Variants in TEX11 observed in about 807,000 individuals in gnomAD.
TEX11 encodes testis-expressed protein 11.
TEX11 carries 7 observed loss-of-function variants against 84.4 expected under a neutral mutation model. The ratio of observed to expected loss-of-function variants is 0.08; its 90% CI spans 0.05 to 0.16. The LOEUF (loss-of-function observed/expected upper bound fraction) is 0.16. Ranked by LOEUF, TEX11 falls within the 10% of genes least tolerant of loss-of-function variation. TEX11 has a pLI of 1.00. For missense variants in TEX11, 551 were observed against 660.5 expected, an observed-to-expected ratio of 0.83 and a Z score of 1.82; for synonymous variants, 264 against 222.8, an observed-to-expected ratio of 1.18 and a Z score of -1.64.
At chrX:70,567,867 A>G (rs747146589) in intron 25 of TEX11, among the ~76,000 whole-genome samples, 3 of 111,762 alleles carry the variant, frequency 2.7e-5, no homozygotes, top group Non-Finnish European at 5.6e-5. Context: ...GGTGCAGAAA[A>G]AAATGTATAT....
At chrX:70,759,704 A>G (rs2090895085) in intron 9 of TEX11, among the ~76,000 whole-genome samples, 5 of 111,712 alleles carry the variant, frequency 4.5e-5, no homozygotes, top group Admixed American at 3.8e-4. Flanking sequence ...AAACCGGCAC[A>G]AGACAAGGAT....
chrX:70,553,274 G>T, intron 27 of TEX11, 32 bp downstream of exon 27: 1 of 1,024,013 alleles, frequency 9.8e-7, no homozygotes, highest in Non-Finnish European at 1.3e-6. Context: ...AGTTCTTTTG[G>T]CTAGCAAAAA....
At chrX:70,550,164 G>A (rs1394148006) in intron 28 of TEX11, among the ~76,000 whole-genome samples, 1 of 112,640 alleles carries the variant, frequency 8.9e-6, no homozygotes, top group Non-Finnish European at 1.9e-5. Context: ...TTCAATAAAT[G>A]GTGCTGGGAA....
At chrX:70,586,319 A>G (rs893976727) in intron 25 of TEX11, among the ~76,000 whole-genome samples, 1 of 112,633 alleles carries the variant, frequency 8.9e-6, no homozygotes, top group Admixed American at 9.4e-5. Flanking sequence ...AAAGGTAGAT[A>G]AATTGGACTT....
At chrX:70,571,244 C>T (rs1334747554) in intron 25 of TEX11, among the ~76,000 whole-genome samples, 2 of 112,030 alleles carry the variant, frequency 1.8e-5, no homozygotes, top group Non-Finnish European at 1.9e-5. Context: ...GTCTCAAACT[C>T]CTGACCTCAG....
chrX:70,885,999 A>G (rs1035273194), intron 2 of TEX11, among the ~76,000 whole-genome samples: 2 of 111,416 alleles, frequency 1.8e-5, no homozygotes, highest in Admixed American at 1.9e-4. Flanking sequence ...GTAGGATGGT[A>G]AAATGGTGCA....
intron 25 of TEX11, among the ~76,000 whole-genome samples, chrX:70,586,345 C>CT (rs1326537100): frequency 1.8e-5 from 2 of 112,018 alleles, no homozygotes; most frequent in Non-Finnish European, 3.8e-5. Flanking sequence ...AAGTTAAAAA[C>CT]TTTTTTACAT....
chrX:70,717,957 T>C (rs2090521827), intron 13 of TEX11, among the ~76,000 whole-genome samples: 1 of 112,593 alleles, frequency 8.9e-6, no homozygotes, highest in African/African-American at 3.2e-5. Flanking sequence ...TTATCAAATT[T>C]TCCTTTGAAA....
At chrX:70,560,914 T>G (rs1166736906) in intron 25 of TEX11, among the ~76,000 whole-genome samples, 2 of 70,406 alleles carry the variant, frequency 2.8e-5, no homozygotes, top group African/African-American at 5.4e-5. Flanking sequence ...TTTTTTTTTT[T>G]TTTTTTTTTT....
chrX:70,749,118 C>T (rs1270794793), intron 9 of TEX11, among the ~76,000 whole-genome samples: 1 of 106,267 alleles, frequency 9.4e-6, no homozygotes, highest in Non-Finnish European at 1.9e-5. Context: ...TTGTAGTTCT[C>T]CTTGAAGAGG....
chrX:70,539,038 A>ATATATATATATATATATATATATATTTTT, intron 28 of TEX11, among the ~76,000 whole-genome samples: 9 of 41,237 alleles, frequency 2.2e-4, no homozygotes, highest in Admixed American at 1.1e-3. Context: ...ATATATATAT[A>ATATATATATATATATATATATATATTTTT]TTTTTTTTTT....
intron 25 of TEX11, among the ~76,000 whole-genome samples, chrX:70,572,856 T>TG (rs1273063917): frequency 2.5e-5 from 1 of 39,533 alleles, no homozygotes; most frequent in African/African-American, 1.1e-4. Flanking sequence ...TGCTGTGGGG[T>TG]GGGGGGAGGG....
At chrX:70,519,247 G>T in the TEX11 span, among the ~76,000 whole-genome samples, 4 of 111,941 alleles carry the variant, frequency 3.6e-5, no homozygotes, top group Non-Finnish European at 7.5e-5. Flanking sequence ...GCAGTGGCTG[G>T]TACGGGTTGT....
At chrX:70,632,911 T>C (rs371577483) in intron 17 of TEX11, among the ~76,000 whole-genome samples, 89 of 111,941 alleles carry the variant, frequency 8.0e-4, no homozygotes, top group African/African-American at 2.6e-3. Flanking sequence ...ATTAAAGACA[T>C]TTAATTTATA....
intron 8 of TEX11, among the ~76,000 whole-genome samples, chrX:70,823,099 T>C (rs1235806696): frequency 1.8e-5 from 2 of 111,133 alleles, no homozygotes; most frequent in Non-Finnish European, 3.8e-5. Context: ...CATTTGAAAC[T>C]ATATGGATAA....
chrX:70,558,964 G>A (rs778626480), intron 25 of TEX11, among the ~76,000 whole-genome samples: 1 of 112,027 alleles, frequency 8.9e-6, no homozygotes, highest in East Asian at 2.8e-4. Context: ...ATACATTGCT[G>A]GTGGAAATGT....
intron 22 of TEX11, 84 bp from the exon 23 acceptor site, chrX:70,607,113 T>C: frequency 2.8e-6 from 2 of 704,454 alleles, no homozygotes; most frequent in East Asian, 7.0e-5. Context: ...TTCTGATACT[T>C]ACACCTTTGA....
intron 2 of TEX11, among the ~76,000 whole-genome samples, chrX:70,904,672 A>G (rs2091820331): frequency 8.9e-6 from 1 of 111,934 alleles, no homozygotes; most frequent in Non-Finnish European, 1.9e-5. Context: ...CTAGAACTGC[A>G]CTGTCCAATA....
chrX:70,638,390 G>A (rs1337828630), intron 17 of TEX11, among the ~76,000 whole-genome samples: 1 of 111,955 alleles, frequency 8.9e-6, no homozygotes, highest in Non-Finnish European at 1.9e-5. Context: ...ACCCAGTAAA[G>A]CTATCCTTCA....
Sources: gnomAD v4.1 joint callset for allele counts (sites outside exome capture counted in the v4.1 genomes callset) on GRCh38, gnomAD v4.1.1 for gene constraint, MANE v1.5 for transcripts, NCBI Gene and HGNC (gene_info 2026-07-23, HGNC 2026-07-21) for gene names.